TNKS: variants seen among roughly 807,000 people sequenced by gnomAD.
TNKS encodes tankyrase, also known as poly [ADP-ribose] polymerase tankyrase-1.
A neutral mutation model predicts 135.8 loss-of-function variants in TNKS; 72 were observed. The ratio of observed to expected loss-of-function variants is 0.53; its 90% CI spans 0.44 to 0.64. The LOEUF (loss-of-function observed/expected upper bound fraction) is 0.64. Ranked by LOEUF, TNKS falls within the 30% of genes least tolerant of loss-of-function variation. The probability of loss-of-function intolerance (pLI) is 0.00; values close to 1 mark genes in which losing one functional copy is unlikely to be tolerated. For missense variants in TNKS, 1,769 were observed against 1,674.0 expected, an observed-to-expected ratio of 1.06 and a Z score of -0.99; for synonymous variants, 849 against 649.3, an observed-to-expected ratio of 1.31 and a Z score of -4.68.
intron 26 of TNKS, among the ~76,000 whole-genome samples, chr8:9,772,953 C>G (rs79273905): frequency 0.012 from 1,771 of 148,952 alleles, 36 homozygotes; most frequent in African/African-American, 0.041. Flanking sequence ...CCTTCCCAAA[C>G]GTAGATCTGG....
intron 3 of TNKS, chr8:9,658,486 G>C: frequency 9.6e-6 from 6 of 628,234 alleles, no homozygotes; most frequent in Non-Finnish European, 1.3e-5. Flanking sequence ...GCCAAACTAA[G>C]CTTCATAAGT....
intron 20 of TNKS, among the ~76,000 whole-genome samples, chr8:9,757,098 T>C (rs909388934): frequency 3.5e-4 from 53 of 152,294 alleles, no homozygotes; most frequent in African/African-American, 1.1e-3. Flanking sequence ...TGCCTCAGCC[T>C]CCTGAGTAGC....
intron 3 of TNKS, among the ~76,000 whole-genome samples, chr8:9,672,286 T>C (rs1365908571): frequency 1.3e-5 from 2 of 152,158 alleles, no homozygotes; most frequent in East Asian, 1.9e-4. Context: ...TCCACTTACA[T>C]AATGGGGGAC....
chr8:9,729,414 C>G (rs533433794), intron 13 of TNKS, among the ~76,000 whole-genome samples: 2 of 152,254 alleles, frequency 1.3e-5, no homozygotes, highest in African/African-American at 4.8e-5. Flanking sequence ...CTGAAAATCC[C>G]CAGGGACCCT....
At chr8:9,685,661 G>A (rs1488741344) in intron 5 of TNKS, among the ~76,000 whole-genome samples, 2 of 152,132 alleles carry the variant, frequency 1.3e-5, no homozygotes, top group Non-Finnish European at 2.9e-5. Context: ...TTCAGTTGGA[G>A]CTTGGCCTTC....
intron 6 of TNKS, 70 bp from the exon 7 acceptor site, chr8:9,706,117 T>C (rs1804031949): frequency 9.5e-7 from 1 of 1,051,800 alleles, no homozygotes; most frequent in South Asian, 1.8e-5. Context: ...TTGGATTTTA[T>C]TTCTTAGTAC....
At chr8:9,628,113 C>A (rs1156317607) in intron 3 of TNKS, among the ~76,000 whole-genome samples, 1 of 152,064 alleles carries the variant, frequency 6.6e-6, no homozygotes, top group African/African-American at 2.4e-5. Context: ...GGTTTATATC[C>A]ATCTGCTCAT....
At chr8:9,709,816 C>T in intron 9 of TNKS, 139 bp from the exon 10 acceptor site, 2 of 661,316 alleles carry the variant, frequency 3.0e-6, no homozygotes, top group Non-Finnish European at 5.2e-6. Context: ...TGGATCATCT[C>T]TGTGATATAA....
chr8:9,708,545 CA>C, intron 9 of TNKS, 53 bp downstream of exon 9: 1 of 1,388,842 alleles, frequency 7.2e-7, no homozygotes, highest in Non-Finnish European at 9.5e-7. Context: ...AACGTAAGCA[CA>C]AAATATGATT....
chr8:9,670,458 T>A (rs1802224853), intron 3 of TNKS, among the ~76,000 whole-genome samples: 1 of 152,208 alleles, frequency 6.6e-6, no homozygotes, highest in Non-Finnish European at 1.5e-5. Context: ...TCTGAATATA[T>A]TTAATCCCAT....
chr8:9,581,967 C>T (rs1348166803), intron 2 of TNKS, among the ~76,000 whole-genome samples: 1 of 152,170 alleles, frequency 6.6e-6, no homozygotes, highest in Non-Finnish European at 1.5e-5. Context: ...TCACAGTAGG[C>T]TTTGGCACAT....
intron 5 of TNKS, 164 bp downstream of exon 5, chr8:9,680,964 A>G: frequency 2.0e-6 from 1 of 503,500 alleles, no homozygotes; most frequent in Non-Finnish European, 3.5e-6. Flanking sequence ...GTTGTGACAC[A>G]TTCATAGAAC....
intron 1 of TNKS, chr8:9,575,108 A>G: frequency 1.0e-6 from 1 of 979,112 alleles, no homozygotes; most frequent in Non-Finnish European, 1.2e-6. Context: ...TTCTTTTGAC[A>G]CGGAGTCTCG....
chr8:9,752,699 C>G, intron 20 of TNKS, 73 bp downstream of exon 20: 1 of 1,041,154 alleles, frequency 9.6e-7, no homozygotes, highest in South Asian at 1.4e-5. Flanking sequence ...TGGTTCACAC[C>G]TTACTCCCAA....
chr8:9,754,791 G>A (rs969931687), intron 20 of TNKS, among the ~76,000 whole-genome samples: 17 of 152,040 alleles, frequency 1.1e-4, no homozygotes, highest in African/African-American at 1.9e-4. Flanking sequence ...GTGCCTTTGC[G>A]TCTAATGGTT....
At chr8:9,623,450 T>G (rs1799941341) in intron 3 of TNKS, among the ~76,000 whole-genome samples, 1 of 109,622 alleles carries the variant, frequency 9.1e-6, no homozygotes, top group Non-Finnish European at 2.0e-5. Flanking sequence ...TTTTTTTTTT[T>G]TGGTTTCCTA....
chr8:9,740,966 C>G (rs367737152), intron 17 of TNKS: 2 of 151,848 alleles, frequency 1.3e-5, no homozygotes, highest in Non-Finnish European at 2.9e-5. Flanking sequence ...CCTGCCACCA[C>G]GCCCAGCTAA....
chr8:9,745,073 A>ACTG (rs1370433670), intron 17 of TNKS, among the ~76,000 whole-genome samples: 144 of 152,306 alleles, frequency 9.5e-4, no homozygotes, highest in Middle Eastern at 3.4e-3. Flanking sequence ...TCAGAAACAC[A>ACTG]GTTTAAGTAG....
At chr8:9,679,734 G>A (rs1238883166) in intron 3 of TNKS, 1 of 500,062 alleles carries the variant, frequency 2.0e-6, no homozygotes, top group Non-Finnish European at 3.6e-6. Context: ...TATTTCATCT[G>A]AGGATTGGAC....
Sources: allele counts gnomAD v4.1 joint callset (sites outside exome capture counted in the v4.1 genomes callset), GRCh38; gene constraint gnomAD v4.1.1; transcripts MANE v1.5; gene names NCBI Gene and HGNC (gene_info 2026-07-23, HGNC 2026-07-21).